The following ATP10A variants were observed in gnomAD, a reference collection of about 807,000 sequenced individuals.
ATP10A encodes the protein ATPase phospholipid transporting 10A (putative).
In ATP10A, 111 loss-of-function variants were observed where a neutral mutation model predicts 147.8. The observed-to-expected ratio is 0.75, with a 90% CI of 0.64 to 0.88. The LOEUF is 0.88. ATP10A is among the 40% of genes least tolerant of loss of function. The pLI is 0.00. For missense variants in ATP10A, 1,927 were observed against 1,959.0 expected (o/e 0.98, Z 0.31); for synonymous variants, 875 against 841.6 (o/e 1.04, Z -0.69).
At chr15:25,717,042 A>C in intron 8 of ATP10A, 118 bp from the exon 9 acceptor site, 2 of 623,620 alleles carry the variant, frequency 3.2e-6, no homozygotes, top group Non-Finnish European at 4.9e-6. Flanking sequence ...TTCATCTCTC[A>C]TATACATATA....
chr15:25,729,024 T>C (rs11635761), intron 3 of ATP10A, among the ~76,000 whole-genome samples: 145,031 of 152,272 alleles, frequency 0.95, 69,442 homozygotes, highest in East Asian at 1. Flanking sequence ...AGCACACAGG[T>C]ACGAGGCTCA....
chr15:25,838,291 C>G (rs1892673972), intron 1 of ATP10A, among the ~76,000 whole-genome samples: 2 of 152,182 alleles, frequency 1.3e-5, no homozygotes, highest in Non-Finnish European at 2.9e-5. Flanking sequence ...TTGGAATATA[C>G]TGCCCATCTC....
chr15:25,764,352 T>A (rs2140639656), intron 2 of ATP10A, among the ~76,000 whole-genome samples: 1 of 152,292 alleles, frequency 6.6e-6, no homozygotes, highest in Non-Finnish European at 1.5e-5. Context: ...AACTTAGCCC[T>A]TAGAATGTAT....
At chr15:25,825,578 T>C (rs901155943) in intron 1 of ATP10A, among the ~76,000 whole-genome samples, 1 of 152,156 alleles carries the variant, frequency 6.6e-6, no homozygotes, top group Non-Finnish European at 1.5e-5. Context: ...ATTAGGAGAC[T>C]CTGTCCATCA....
At chr15:25,765,599 A>G (rs1888977107) in intron 2 of ATP10A, among the ~76,000 whole-genome samples, 1 of 152,164 alleles carries the variant, frequency 6.6e-6, no homozygotes, top group Non-Finnish European at 1.5e-5. Flanking sequence ...GGAAAAGATC[A>G]TTGAGACGCA....
intron 3 of ATP10A, among the ~76,000 whole-genome samples, chr15:25,729,754 C>G (rs1902837401): frequency 6.6e-6 from 1 of 152,166 alleles, no homozygotes; most frequent in African/African-American, 2.4e-5. Context: ...GCTTCTGCCG[C>G]CTTCAGGGCA....
At chr15:25,825,401 C>T (rs1328891898) in intron 1 of ATP10A, among the ~76,000 whole-genome samples, 1 of 152,112 alleles carries the variant, frequency 6.6e-6, no homozygotes, top group Admixed American at 6.6e-5. Context: ...TATAAACATG[C>T]TCAGAGCTAT....
At chr15:25,762,246 G>A (rs1888798042) in intron 2 of ATP10A, among the ~76,000 whole-genome samples, 1 of 152,168 alleles carries the variant, frequency 6.6e-6, no homozygotes, top group African/African-American at 2.4e-5. Context: ...CAAACTGTGA[G>A]TCAGTTAAAC....
At chr15:25,722,491 C>T (rs766691261) in intron 6 of ATP10A, among the ~76,000 whole-genome samples, 2 of 152,008 alleles carry the variant, frequency 1.3e-5, no homozygotes, top group African/African-American at 2.4e-5. Flanking sequence ...AATTTAAGAA[C>T]AATTCTCCTC....
At chr15:25,696,849 C>A (rs1900366946) in intron 13 of ATP10A, among the ~76,000 whole-genome samples, 1 of 152,220 alleles carries the variant, frequency 6.6e-6, no homozygotes, top group Admixed American at 6.5e-5. Context: ...CCAGGCAATT[C>A]TGCTACCGTG....
Position 25,708,176 on chromosome 15 carries a change from C to G in ATP10A, c.2448+21G>C, listed in dbSNP as rs549666651. The stretch of plus-strand genomic sequence containing the variant: ...GGGCGGCCACCTGCACGTGCACCCT[C>G]GCGGAGACACCCCCACTCACTCTCT... On this transcript the variant is annotated intron_variant, in intron 11 of 20. Transcript: ENST00000555815. 12 of 1,614,048 alleles carry G rather than the reference C, an allele frequency of 7.4e-6. No individual in the cohort carries two copies. The South Asian group carries it at 1.3e-4, about 18-fold the overall frequency.
rs563478886 is a variant in ATP10A, at chr15:25,718,294, A to C, written c.1469T>G (p.Val490Gly). ...GCTCTGGGTTCTGTGCACCACCCGGACACTCTGGTGGCTGCCGATGCTGCC... is the reference window on the plus strand; with the variant it reads ...GCTCTGGGTTCTGTGCACCACCCGGCCACTCTGGTGGCTGCCGATGCTGCC... ...QRGSIGSHQSVRVVHRTQSTK... is the reference protein window; with the variant it reads ...QRGSIGSHQSGRVVHRTQSTK... Residue 490 changes from valine to glycine, a missense_variant, in exon 8 of 21, where the codon GTC (valine) becomes GGC (glycine). Val to Gly is a moderately radical substitution (Grantham distance 109). Transcript: ENST00000555815. 12 of 1,611,890 alleles carry C rather than the reference A, an allele frequency of 7.4e-6. No homozygotes were observed. The highest frequency in any genetic ancestry group is 9.3e-6 in the Non-Finnish European group (11 of 1,179,910).
At chr15:25,738,167 C>T (rs916006889) in intron 2 of ATP10A, among the ~76,000 whole-genome samples, 1 of 152,098 alleles carries the variant, frequency 6.6e-6, no homozygotes, top group African/African-American at 2.4e-5. Flanking sequence ...TTAGGAAATA[C>T]ATTGATTTAT....
intron 1 of ATP10A, among the ~76,000 whole-genome samples, chr15:25,790,739 T>G (rs1362661537): frequency 6.6e-6 from 1 of 152,216 alleles, no homozygotes; most frequent in Non-Finnish European, 1.5e-5. Context: ...ACAAATCATT[T>G]CTACTGTGGC....
At chr15:25,701,699 T>C (rs1470601943) in intron 13 of ATP10A, among the ~76,000 whole-genome samples, 1 of 152,142 alleles carries the variant, frequency 6.6e-6, no homozygotes, top group East Asian at 1.9e-4. Flanking sequence ...GGCTGAACTT[T>C]GTATCAATAA....
chr15:25,779,962 G>A (rs985159720), intron 2 of ATP10A, among the ~76,000 whole-genome samples: 1 of 152,134 alleles, frequency 6.6e-6, no homozygotes, highest in African/African-American at 2.4e-5. Flanking sequence ...CAGGCCGGGC[G>A]GGCGAGGTGC....
intron 1 of ATP10A, among the ~76,000 whole-genome samples, chr15:25,812,390 T>C (rs1891471766): frequency 6.6e-6 from 1 of 152,220 alleles, no homozygotes; most frequent in Non-Finnish European, 1.5e-5. Flanking sequence ...GTTCTATGGT[T>C]GCTACACAAT....
At chr15:25,784,778 C>T (rs367758089) in intron 1 of ATP10A, among the ~76,000 whole-genome samples, 2 of 152,132 alleles carry the variant, frequency 1.3e-5, no homozygotes, top group African/African-American at 2.4e-5. Flanking sequence ...AAAAATTAGC[C>T]AGGTGTGGTG....
intron 1 of ATP10A, among the ~76,000 whole-genome samples, chr15:25,810,806 T>C (rs904164313): frequency 6.6e-6 from 1 of 152,060 alleles, no homozygotes. Flanking sequence ...TAGTGACTCA[T>C]TTTCAGAGCC....
Sources: allele counts gnomAD v4.1 joint callset (sites outside exome capture counted in the v4.1 genomes callset), GRCh38; gene constraint gnomAD v4.1.1; transcripts MANE v1.5; gene names NCBI Gene and HGNC (gene_info 2026-07-23, HGNC 2026-07-21).